Variants in PRPF8 observed in about 807,000 individuals in gnomAD.
PRPF8 encodes the protein pre-mRNA-processing-splicing factor 8.
A neutral mutation model predicts 285.9 loss-of-function variants in PRPF8; 64 were observed. The observed-to-expected ratio is 0.22, with a 90% confidence interval of 0.18 to 0.28. The LOEUF (loss-of-function observed/expected upper bound fraction) is 0.28, where lower values mean the gene tolerates loss of function less well. Among genes scored for constraint, PRPF8 ranks in the 10% least tolerant of loss-of-function variants. The pLI, the probability that PRPF8 is intolerant of heterozygous loss-of-function variation, is 1.00. For missense variants in PRPF8, 1,426 were observed against 3,026.7 expected (o/e 0.47, Z 12.41); for synonymous variants, 1,325 against 1,118.2 (o/e 1.18, Z -3.69).
chr17:1,674,745 C>A, intron 20 of PRPF8, 65 bp from the exon 21 acceptor site: 1 of 1,484,796 alleles, frequency 6.7e-7, no homozygotes, highest in Non-Finnish European at 9.4e-7. Flanking sequence ...CAGAGTTAAC[C>A]TCTTTTGTTC....
chr17:1,656,253 A>T, intron 36 of PRPF8, 139 bp downstream of exon 36: 1 of 1,148,240 alleles, frequency 8.7e-7, no homozygotes, highest in Non-Finnish European at 1.3e-6. Flanking sequence ...TTAAGGTCTT[A>T]AACTCTCATG....
chr17:1,679,912 G>C lies in PRPF8; in HGVS notation c.1099-113C>G, dbSNP rs1216959004. 7.7e-7 allele frequency: 1 copy of C among 1,296,214 alleles called. No homozygotes were observed. The highest frequency in any genetic ancestry group is 1.1e-6 in the Non-Finnish European group (1 of 893,758). 80.3% of individuals were successfully genotyped at this position (1,296,214 alleles called of 1,614,324 possible). A position where few individuals can be genotyped will look rare whatever the true frequency, so the allele number is the denominator to read the frequency against. On this transcript the variant is annotated intron_variant, in intron 8 of 42. Transcript: ENST00000304992. This position sits in a 1 kb window ranked among gnomAD's most constrained non-coding sequence, Gnocchi z 4.7. ...AGCCTGTATCTGCTATGGAAACTGG[G>C]CTGTCTGACAAAAGCAGCCCTGAAG...
chr17:1,676,446 G>A lies in PRPF8; in HGVS notation c.2388+59C>T, dbSNP rs1197684763. 2 of 1,613,688 alleles carry A rather than the reference G, an allele frequency of 1.2e-6. No homozygotes were observed. The highest frequency in any genetic ancestry group is 1.3e-5 in the African/African-American group (1 of 74,918). ...AACAAGGTTCAGTCACAACTCTACAGTCCTCCCTCTTGCCCACTCCCCCAC... is the reference window on the plus strand; with the variant it reads ...AACAAGGTTCAGTCACAACTCTACAATCCTCCCTCTTGCCCACTCCCCCAC... On this transcript the variant is annotated intron_variant, in intron 16 of 42. Coordinates refer to ENST00000304992, the MANE Select transcript of PRPF8 (RefSeq NM_006445.4). This position sits in a 1 kb window ranked among gnomAD's most constrained non-coding sequence, Gnocchi z 6.3.
chr17:1,672,923 C>T, intron 24 of PRPF8, 158 bp downstream of exon 24: 1 of 736,730 alleles, frequency 1.4e-6, no homozygotes, highest in Non-Finnish European at 2.5e-6. Flanking sequence ...GATGAAGTGA[C>T]CTGACATACT....
rs374200611 is a variant in PRPF8, at chr17:1,655,332, C to G, written c.5987+18G>C. The G allele has an allele frequency of 6.2e-7, 1 of 1,612,478 alleles. No homozygotes were observed. The highest frequency in any genetic ancestry group is 2.2e-5 in the East Asian group (1 of 44,866). On this transcript the variant is annotated intron_variant, in intron 37 of 42. Transcript: ENST00000304992. Reference sequence around the variant, plus strand: ...CGTATATAGACCTCCTGTCTGTGTCCCCACCAGCACTGCTCACTTGTTTTT... The same window carrying G: ...CGTATATAGACCTCCTGTCTGTGTCGCCACCAGCACTGCTCACTTGTTTTT...
At position 1,674,361 on chromosome 17, in the gene PRPF8, A is replaced by T. The variant is rs1912501312; in HGVS notation, c.3299+81T>A. The T allele has an allele frequency of 2.0e-5, 28 of 1,418,628 alleles. No homozygotes were observed. In the South Asian group the frequency reaches 3.2e-4, roughly 16 times the overall value. The allele number at this position is 1,418,628 out of a possible 1,614,324, so 87.9% of individuals were successfully genotyped here. A position where few individuals can be genotyped will look rare whatever the true frequency, so the allele number is the denominator to read the frequency against. ...TAAAGCCCCAACAGCAGTTAAGTCA[A>T]CTCAGGTACAATAGCTGATTTCAGA... On this transcript the variant is annotated intron_variant, in intron 21 of 42. Transcript: ENST00000304992.
rs987575528 is a variant in PRPF8 at position 1,680,819 on chromosome 17, G to C, written c.1005C>G (p.Pro335=). The change falls in exon 8 of 43, where the codon CCC becomes CCG. Residue 335 remains proline (P), a synonymous_variant. Transcript: ENST00000304992. ...CCTCAGTTTTGATGAATACAACATTGGGAGTATGGTACCTAAAATGAAAGG... is the reference window on the plus strand; with the variant it reads ...CCTCAGTTTTGATGAATACAACATTCGGAGTATGGTACCTAAAATGAAAGG... ...HHVHLTWYHT[P]NVVFIKTEDP... is the part of the protein sequence containing the mutation. 3.1e-6 allele frequency: 5 copies of C among 1,614,032 alleles called. No individual in the cohort carries two copies. The East Asian group carries it at 1.1e-4, about 36-fold the overall frequency.
Position 1,659,180 on chromosome 17 carries a change from C to G in PRPF8, c.5138+177G>C. On this transcript the variant is annotated intron_variant, in intron 32 of 42. Coordinates refer to ENST00000304992, the MANE Select transcript of PRPF8 (RefSeq NM_006445.4). The surrounding 1 kb of genome is among the most constrained non-coding windows in gnomAD (Gnocchi z 5.1). The stretch of plus-strand genomic sequence containing the variant: ...AGCTGGGACTACAGGCGTGGACCAC[C>G]ACGCCCAGCTAATTTTTTGTATTTT... 1.3e-6 allele frequency: 1 copy of G among 743,234 alleles called. No individual in the cohort carries two copies. Among genetic ancestry groups the G allele is most frequent in the East Asian group, 2.7e-5 (1 of 37,234 alleles). 46.0% of individuals were successfully genotyped at this position (743,234 alleles called of 1,614,324 possible).
rs761136993 is a variant in PRPF8, at chr17:1,651,082, C to T, written c.6853+26G>A. ...CTCACCTTATCCCTACTGCTATCCC[C>T]ACATCCCCAGGCTCCTCCCACTTAC... is the stretch of plus-strand genomic sequence containing the variant. On this transcript the variant is annotated intron_variant, in intron 42 of 42. Transcript: ENST00000304992. The surrounding 1 kb of genome is among the most constrained non-coding windows in gnomAD (Gnocchi z 5.1). 1.9e-6 allele frequency: 3 copies of T among 1,614,122 alleles called. No homozygotes were observed. The highest frequency in any genetic ancestry group is 1.1e-5 in the South Asian group (1 of 91,082).
At chr17:1,666,781 G>A (rs181206175) in intron 24 of PRPF8, among the ~76,000 whole-genome samples, 16 of 152,180 alleles carry the variant, frequency 1.1e-4, no homozygotes, top group African/African-American at 2.4e-4. Context: ...AGACAAGCAA[G>A]GAGAAAAGAC....
chr17:1,674,072 G>A lies in PRPF8; in HGVS notation c.3300-180C>T, dbSNP rs189672592. On this transcript the variant is annotated intron_variant, in intron 21 of 42. Coordinates refer to ENST00000304992, the MANE Select transcript of PRPF8 (RefSeq NM_006445.4). ...ACAGTCTCGCTCTTTCCCCAGGCTG[G>A]AGCGCAGCGGCGCAATCCCGGCTCA... Among the ~76,000 whole-genome samples the A allele has an allele frequency of 3.0e-4, 45 of 152,124 alleles. No homozygotes were observed. The East Asian group carries it at 8.5e-3, about 29-fold the overall frequency.
chr17:1,669,066 C>T (rs1912160236), intron 24 of PRPF8, among the ~76,000 whole-genome samples: 1 of 152,152 alleles, frequency 6.6e-6, no homozygotes, highest in South Asian at 2.1e-4. Flanking sequence ...GCTCTTTATT[C>T]TATCCCTAGG....
At chr17:1,678,973 C>G in intron 11 of PRPF8, 44 bp downstream of exon 11, 2 of 1,613,726 alleles carry the variant, frequency 1.2e-6, no homozygotes, top group South Asian at 2.2e-5. Context: ...AAACAACTGT[C>G]CGTCCTTGAA....
At position 1,683,525 on chromosome 17, in the gene PRPF8, T is replaced by C. The variant is rs769094150; in HGVS notation, c.269+8A>G. Reference sequence around the variant, plus strand: ...TTCCAAATGAAATTATTTCAGGATGTTCCTTACCCCAAGTAAACCCTTTTG... The same window carrying C: ...TTCCAAATGAAATTATTTCAGGATGCTCCTTACCCCAAGTAAACCCTTTTG... On this transcript the variant is annotated splice_region_variant and intron_variant, in intron 3 of 42. Transcript: ENST00000304992. The C allele has an allele frequency of 5.0e-6, 8 of 1,614,008 alleles. No homozygotes were observed. The African/African-American group carries it at 6.7e-5, about 13-fold the overall frequency.
At chr17:1,681,146 A>G (rs1912900275) in intron 6 of PRPF8, 92 bp from the exon 7 acceptor site, 2 of 1,384,764 alleles carry the variant, frequency 1.4e-6, no homozygotes, top group African/African-American at 1.4e-5. Flanking sequence ...TGGCATGATC[A>G]TCGTTCACTG....
chr17:1,651,151 G>A lies in PRPF8; in HGVS notation c.6810C>T (p.Phe2270=). 4.3e-6 allele frequency: 7 copies of A among 1,614,200 alleles called. No homozygotes were observed. Among genetic ancestry groups the A allele is most frequent in the Non-Finnish European group, 5.1e-6 (6 of 1,180,038 alleles). Residue 2270 remains phenylalanine, a synonymous_variant, in exon 42 of 43, where the codon TTC becomes TTT. Coordinates refer to ENST00000304992, the MANE Select transcript of PRPF8 (RefSeq NM_006445.4). The surrounding 1 kb of genome is among the most constrained non-coding windows in gnomAD (Gnocchi z 5.1). ...ACGAGGACTGGGCAGGGACCATGAAGAAGCCAAGGAAACGGTCCGACAGCA... is the reference window on the plus strand; with the variant it reads ...ACGAGGACTGGGCAGGGACCATGAAAAAGCCAAGGAAACGGTCCGACAGCA... The part of the protein sequence containing the change: ...QMLLSDRFLG[F]FMVPAQSSWN...
At chr17:1,677,539 A>C in intron 14 of PRPF8, 26 bp downstream of exon 14, 1 of 1,613,998 alleles carries the variant, frequency 6.2e-7, no homozygotes, top group Non-Finnish European at 8.5e-7. Flanking sequence ...TAACAGGAGA[A>C]GTTGGACACA....
At chr17:1,677,201 C>G (rs377580626) in intron 14 of PRPF8, 29 bp from the exon 15 acceptor site, 3 of 1,604,520 alleles carry the variant, frequency 1.9e-6, no homozygotes, top group African/African-American at 2.7e-5. Flanking sequence ...AAGGGGATTA[C>G]AAGGAAGATT....
chr17:1,651,253 T>C lies in PRPF8; in HGVS notation c.6708A>G (p.Glu2236=), dbSNP rs774793631. ...CCTTGTCTGTGTTCTGGCGGCCCCA[T>C]TCGTAGCCACTGGGGGTCAGCTTGT... ...TAYKLTPSGY[E]WGRQNTDKGN... is the part of the protein sequence containing the mutation. Residue 2236 remains glutamate, a synonymous_variant, in exon 42 of 43, where the codon GAA becomes GAG. Coordinates refer to ENST00000304992, the MANE Select transcript of PRPF8 (RefSeq NM_006445.4). This position sits in a 1 kb window ranked among gnomAD's most constrained non-coding sequence, Gnocchi z 5.1. 3.1e-6 allele frequency: 5 copies of C among 1,613,956 alleles called. No individual in the cohort carries two copies. The highest frequency in any genetic ancestry group is 4.2e-6 in the Non-Finnish European group (5 of 1,180,014).
Sources: gnomAD v4.1 joint callset for allele counts (sites outside exome capture counted in the v4.1 genomes callset) on GRCh38, gnomAD v4.1.1 for gene constraint, Gnocchi (gnomAD v3.1) non-coding constraint, MANE v1.5 for transcripts, NCBI Gene and HGNC (gene_info 2026-07-23, HGNC 2026-07-21) for gene names.